The following THRB variants were observed in gnomAD, a reference collection of about 807,000 sequenced individuals.
THRB encodes the protein thyroid hormone receptor beta.
THRB carries 12 observed loss-of-function variants against 47.8 expected under a neutral mutation model. The ratio of observed to expected loss-of-function variants is 0.25; its 90% CI spans 0.16 to 0.41. The LOEUF (loss-of-function observed/expected upper bound fraction) is 0.41. THRB is among the 10% of genes least tolerant of loss of function. The pLI is 1.00. For synonymous variants in THRB, 218 were observed against 212.2 expected (o/e 1.03, Z -0.24); for missense variants, 348 against 589.2 (o/e 0.59, Z 4.24).
chr3:24,469,197 C>G (rs911742443), intron 1 of THRB, among the ~76,000 whole-genome samples: 6 of 152,274 alleles, frequency 3.9e-5, no homozygotes, highest in South Asian at 2.1e-4. Flanking sequence ...ACAGGTATTC[C>G]CTGCCTCTTT....
chr3:24,335,515 C>T (rs111702436), intron 2 of THRB, among the ~76,000 whole-genome samples: 4,222 of 152,106 alleles, frequency 0.028, 62 homozygotes, highest in Middle Eastern at 0.041. Flanking sequence ...TCTTTATTTT[C>T]CTCTTTGTTT....
intron 1 of THRB, chr3:24,459,579 A>G (rs1176243007): frequency 6.6e-6 from 1 of 152,176 alleles, no homozygotes; most frequent in Non-Finnish European, 1.5e-5. Context: ...CACCCCCACC[A>G]ACAGTGTGAA....
chr3:24,331,831 G>A (rs760540045), intron 2 of THRB, among the ~76,000 whole-genome samples: 3 of 151,910 alleles, frequency 2.0e-5, no homozygotes, highest in Non-Finnish European at 4.4e-5. Context: ...CACTAATACC[G>A]AGCTTATAAC....
rs1004583426 is a variant in THRB at position 24,161,990 on chromosome 3, C to T, written c.284-9500G>A. On this transcript the variant is annotated intron_variant, in intron 5 of 10. Coordinates refer to ENST00000646209, the MANE Select transcript of THRB (RefSeq NM_001354712.2). ...CAAAGAATCCCGTGGAGGAGAGTCG[C>T]CCAGGGCAGACTCCTAGGAAGGTTT... Among the ~76,000 whole-genome samples the T allele has an allele frequency of 2.0e-5, 3 of 152,046 alleles. No individual in the cohort carries two copies. The East Asian group carries it at 5.8e-4, about 29-fold the overall frequency.
intron 1 of THRB, among the ~76,000 whole-genome samples, chr3:24,402,747 G>A (rs1352123722): frequency 6.6e-6 from 1 of 151,828 alleles, no homozygotes; most frequent in Non-Finnish European, 1.5e-5. Context: ...TATAAATAAT[G>A]ATGGCCAAAT....
chr3:24,203,043 C>T (rs2044786053), intron 4 of THRB, among the ~76,000 whole-genome samples: 1 of 152,174 alleles, frequency 6.6e-6, no homozygotes, highest in Non-Finnish European at 1.5e-5. Context: ...GAGAGAGGTT[C>T]ATCTATTTCC....
Position 24,161,617 on chromosome 3 carries a change from AACACACACACAC to A in THRB, c.284-9139_284-9128del, listed in dbSNP as rs58600238. Among the ~76,000 whole-genome samples the A allele has an allele frequency of 2.8e-4, 40 of 141,192 alleles. No homozygotes were observed. The East Asian group carries it at 3.5e-3, about 12-fold the overall frequency. 92.6% of individuals were successfully genotyped at this position (141,192 alleles called of 152,430 possible). On this transcript the variant is annotated intron_variant, in intron 5 of 10. Transcript: ENST00000646209. ...TCACCTGGAGTCAACAGAGCTACAGAACACACACACACACACACACACACACACACACACACA... is the reference window on the plus strand; with the variant it reads ...TCACCTGGAGTCAACAGAGCTACAGAACACACACACACACACACACACACA...
chr3:24,215,344 G>A (rs78513692), intron 4 of THRB, among the ~76,000 whole-genome samples: 4,450 of 152,280 alleles, frequency 0.029, 107 homozygotes, highest in Non-Finnish European at 0.045. Context: ...TGAGGCTTAC[G>A]CAACTTGCTC....
chr3:24,410,579 T>C (rs537242632), intron 1 of THRB, among the ~76,000 whole-genome samples: 10 of 151,940 alleles, frequency 6.6e-5, no homozygotes, highest in African/African-American at 2.2e-4. Context: ...TCAACACTTA[T>C]ACAAGTCTTC....
chr3:24,173,126 C>T (rs892509655), intron 5 of THRB, among the ~76,000 whole-genome samples: 4 of 152,160 alleles, frequency 2.6e-5, no homozygotes, highest in Non-Finnish European at 5.9e-5. Flanking sequence ...CCCAGACCAA[C>T]TGGATCGTAA....
At chr3:24,178,628 C>T (rs548189808) in intron 5 of THRB, among the ~76,000 whole-genome samples, 26 of 152,294 alleles carry the variant, frequency 1.7e-4, no homozygotes, top group Admixed American at 1.5e-3. Context: ...TCCAGACTAA[C>T]ATGAACCTGG....
At chr3:24,294,513 G>A (rs1019977803) in intron 3 of THRB, among the ~76,000 whole-genome samples, 4 of 152,196 alleles carry the variant, frequency 2.6e-5, no homozygotes, top group African/African-American at 9.6e-5. Context: ...TATGAGGAGG[G>A]TTTCTGGAAG....
At chr3:24,438,921 T>A (rs2071254408) in intron 1 of THRB, among the ~76,000 whole-genome samples, 1 of 152,050 alleles carries the variant, frequency 6.6e-6, no homozygotes, top group South Asian at 2.1e-4. Context: ...GAGAGAACAA[T>A]TCCTAGGCAA....
At chr3:24,274,275 CTAA>C (rs762123504) in intron 3 of THRB, among the ~76,000 whole-genome samples, 1 of 152,052 alleles carries the variant, frequency 6.6e-6, no homozygotes, top group Admixed American at 6.6e-5. Context: ...TTACACAGGC[CTAA>C]TAATGGTATA....
intron 10 of THRB, among the ~76,000 whole-genome samples, chr3:24,125,757 C>T (rs1480771177): frequency 6.6e-6 from 1 of 152,120 alleles, no homozygotes; most frequent in African/African-American, 2.4e-5. Context: ...CACGGAGAGT[C>T]CCTAGAGCAA....
intron 3 of THRB, among the ~76,000 whole-genome samples, chr3:24,250,076 G>C (rs2050511236): frequency 6.6e-6 from 1 of 152,088 alleles, no homozygotes; most frequent in African/African-American, 2.4e-5. Flanking sequence ...ATGACTGTTG[G>C]TCTTTTTACA....
intron 3 of THRB, among the ~76,000 whole-genome samples, chr3:24,230,178 G>C (rs962682856): frequency 2.6e-5 from 4 of 152,204 alleles, no homozygotes; most frequent in African/African-American, 9.6e-5. Context: ...TTCATGCTCT[G>C]TCTCCACATC....
chr3:24,280,803 G>T (rs1471444500), intron 3 of THRB, among the ~76,000 whole-genome samples: 1 of 151,578 alleles, frequency 6.6e-6, no homozygotes. Flanking sequence ...GAAGCCTCAG[G>T]AGCCCATGCG....
At chr3:24,168,316 A>G (rs1393545352) in intron 5 of THRB, among the ~76,000 whole-genome samples, 23 of 152,006 alleles carry the variant, frequency 1.5e-4, no homozygotes, top group Non-Finnish European at 3.4e-4. Flanking sequence ...ATCTAAACAT[A>G]TTATGTGTCA....
Sources: gnomAD v4.1 joint callset for allele counts (sites outside exome capture counted in the v4.1 genomes callset) on GRCh38, gnomAD v4.1.1 for gene constraint, MANE v1.5 for transcripts, NCBI Gene and HGNC (gene_info 2026-07-23, HGNC 2026-07-21) for gene names.